The following FILIP1L variants were observed in gnomAD, a reference collection of about 807,000 sequenced individuals.
The protein encoded by FILIP1L is filamin A-interacting protein 1-like.
A neutral mutation model predicts 96.6 loss-of-function variants in FILIP1L; 55 were observed. The ratio of observed to expected loss-of-function variants is 0.57; its 90% confidence interval spans 0.46 to 0.71. The LOEUF is 0.71. Ranked by LOEUF, FILIP1L falls within the 30% of genes least tolerant of loss-of-function variation. The probability of loss-of-function intolerance (pLI) is 0.00; values close to 1 mark genes in which losing one functional copy is unlikely to be tolerated. For missense variants in FILIP1L, 1,304 were observed against 1,321.2 expected, an observed-to-expected ratio of 0.99 and a Z score of 0.20; for synonymous variants, 467 against 473.9, an observed-to-expected ratio of 0.99 and a Z score of 0.19.
intron 1 of FILIP1L, among the ~76,000 whole-genome samples, chr3:100,110,279 G>A (rs1043763812): frequency 6.6e-6 from 1 of 152,134 alleles, no homozygotes; most frequent in Admixed American, 6.6e-5. Context: ...GCTGAAACAA[G>A]GAGCTGGTGT....
At chr3:100,060,103 T>C (rs2065535697) in intron 1 of FILIP1L, among the ~76,000 whole-genome samples, 1 of 152,010 alleles carries the variant, frequency 6.6e-6, no homozygotes, top group Non-Finnish European at 1.5e-5. Flanking sequence ...GTGCCGGGTA[T>C]GGTAAAGGGA....
intron 1 of FILIP1L, among the ~76,000 whole-genome samples, chr3:100,007,516 G>A (rs1313456862): frequency 1.3e-5 from 2 of 152,156 alleles, no homozygotes; most frequent in African/African-American, 2.4e-5. Context: ...CTAGTCAGCA[G>A]AAACAGTAAG....
At chr3:99,996,522 C>A (rs1709686553) in intron 1 of FILIP1L, among the ~76,000 whole-genome samples, 1 of 152,132 alleles carries the variant, frequency 6.6e-6, no homozygotes, top group Admixed American at 6.5e-5. Context: ...TTCAGCAATG[C>A]CCCACTCCAC....
At chr3:100,029,950 T>G (rs1273349122) in intron 1 of FILIP1L, among the ~76,000 whole-genome samples, 1 of 152,174 alleles carries the variant, frequency 6.6e-6, no homozygotes, top group Non-Finnish European at 1.5e-5. Flanking sequence ...AGGTGTGACA[T>G]GAGTGAGGAC....
rs3796131 is a variant in FILIP1L, at chr3:100,114,065, G to A, written c.-23C>T. The A allele has an allele frequency of 0.063, 9,574 of 152,158 alleles. 365 individuals carry two copies. The highest frequency in any genetic ancestry group is 0.072 in the Non-Finnish European group (4,872 of 68,024). 9.4% of individuals were successfully genotyped at this position (152,158 alleles called of 1,614,324 possible). On this transcript the variant is annotated 5_prime_UTR_variant, in exon 1 of 6. In the 5' UTR this introduces an upstream ATG that the reference lacks. Coordinates refer to ENST00000477258, the MANE Select transcript of FILIP1L (RefSeq NM_001387850.1). ...ACACTTAGCTTACCGTGCAGGTACC[G>A]TGCAGGTGTTGATCACACCTGGTAA...
chr3:99,886,571 T>A (rs1301528693), intron 4 of FILIP1L, among the ~76,000 whole-genome samples: 3 of 151,214 alleles, frequency 2.0e-5, no homozygotes, highest in African/African-American at 4.9e-5. Flanking sequence ...TTTGGGGGGG[T>A]AGATAGAACA....
chr3:99,992,789 T>C (rs987933007), intron 1 of FILIP1L, among the ~76,000 whole-genome samples: 1 of 152,164 alleles, frequency 6.6e-6, no homozygotes, highest in Non-Finnish European at 1.5e-5. Flanking sequence ...AAGGTTTTTA[T>C]GGTTTCAGAT....
At chr3:99,952,618 C>T (rs914516446) in intron 1 of FILIP1L, among the ~76,000 whole-genome samples, 14 of 152,234 alleles carry the variant, frequency 9.2e-5, no homozygotes, top group African/African-American at 3.1e-4. Context: ...CATAGATACA[C>T]GGCTTTTAAA....
intron 1 of FILIP1L, among the ~76,000 whole-genome samples, chr3:100,105,798 A>C (rs2066385436): frequency 6.6e-6 from 1 of 152,198 alleles, no homozygotes; most frequent in African/African-American, 2.4e-5. Flanking sequence ...CCTTCTCCAA[A>C]TAGCATACCT....
chr3:99,988,511 CAAAAAA>C (rs757175318), intron 1 of FILIP1L, among the ~76,000 whole-genome samples: 2 of 47,880 alleles, frequency 4.2e-5, no homozygotes, highest in African/African-American at 6.8e-5. Context: ...GACTCCATCT[CAAAAAA>C]AAAAAAAAAA....
At chr3:100,004,185 T>G (rs1001355510) in intron 1 of FILIP1L, among the ~76,000 whole-genome samples, 3 of 152,282 alleles carry the variant, frequency 2.0e-5, no homozygotes, top group Middle Eastern at 3.4e-3. Flanking sequence ...TTTTCCCCCT[T>G]ACATATTCTC....
intron 5 of FILIP1L, 94 bp downstream of exon 5, chr3:99,848,201 A>G (rs1049788614): frequency 6.4e-7 from 1 of 1,566,004 alleles, no homozygotes; most frequent in Non-Finnish European, 8.7e-7. Context: ...CTTGGGGGAT[A>G]TGGAGGGATG....
chr3:99,896,171 A>G (rs1559679742), intron 4 of FILIP1L, among the ~76,000 whole-genome samples: 1 of 152,216 alleles, frequency 6.6e-6, no homozygotes, highest in Non-Finnish European at 1.5e-5. Context: ...CACTGGCTCC[A>G]TTCCGTCTGC....
chr3:99,832,038 G>T (rs1003773745), intron 5 of FILIP1L, among the ~76,000 whole-genome samples: 1 of 152,172 alleles, frequency 6.6e-6, no homozygotes, highest in African/African-American at 2.4e-5. Flanking sequence ...AGAAAATGTG[G>T]CTTGGAATGG....
In FILIP1L at chr3:100,105,276, T is replaced by G. The variant is rs548302975; in HGVS notation, c.-11+8777A>C. ...TATAATTGAAGCTGACCATTAATAC[T>G]GATTTGGGAGTGGCAATATTTAGTT... On this transcript the variant is annotated intron_variant, in intron 1 of 5. Transcript: ENST00000477258. 2.4e-4 allele frequency among the ~76,000 whole-genome samples: 37 copies of G among 152,332 alleles called. No individual in the cohort carries two copies. In the South Asian group the frequency reaches 6.8e-3, roughly 28 times the overall value.
intron 1 of FILIP1L, among the ~76,000 whole-genome samples, chr3:99,957,684 T>A (rs1179789259): frequency 1.4e-5 from 2 of 142,130 alleles, no homozygotes; most frequent in Non-Finnish European, 3.0e-5. Context: ...TTTTCTCTTT[T>A]CTTTCTTTCT....
chr3:100,053,727 T>C (rs2065413435), intron 1 of FILIP1L, among the ~76,000 whole-genome samples: 1 of 152,246 alleles, frequency 6.6e-6, no homozygotes, highest in South Asian at 2.1e-4. Context: ...TTGAGCATTC[T>C]GTTTGTTTTC....
intron 3 of FILIP1L, 33 bp downstream of exon 3, chr3:99,929,823 C>A: frequency 1.3e-6 from 2 of 1,532,734 alleles, no homozygotes; most frequent in Non-Finnish European, 1.8e-6. Context: ...GCTTGGCTGC[C>A]TCCCAGGTAC....
At chr3:100,018,079 A>G (rs1710396954) in intron 1 of FILIP1L, among the ~76,000 whole-genome samples, 1 of 152,200 alleles carries the variant, frequency 6.6e-6, no homozygotes, top group African/African-American at 2.4e-5. Context: ...CTGTAATCTC[A>G]GCACTTTGGG....
Sources: allele counts gnomAD v4.1 joint callset (sites outside exome capture counted in the v4.1 genomes callset), GRCh38; gene constraint gnomAD v4.1.1; transcripts MANE v1.5; gene names NCBI Gene and HGNC (gene_info 2026-07-23, HGNC 2026-07-21).